Variants in XRCC1 observed in about 807,000 individuals in gnomAD.
The protein encoded by XRCC1 is DNA repair protein XRCC1.
XRCC1 carries 52 observed loss-of-function variants against 83.3 expected under a neutral mutation model. The observed-to-expected ratio is 0.62, with a 90% CI of 0.50 to 0.79. XRCC1 has a LOEUF of 0.79. XRCC1 is among the 30% of genes least tolerant of loss of function. The pLI, the probability that XRCC1 is intolerant of heterozygous loss-of-function variation, is 0.00. For missense variants in XRCC1, 793 were observed against 823.5 expected (o/e 0.96, Z 0.45); for synonymous variants, 281 against 312.6 (o/e 0.90, Z 1.07).
chr19:43,556,767 T>C (rs1177199091), intron 3 of XRCC1, among the ~76,000 whole-genome samples: 3 of 151,770 alleles, frequency 2.0e-5, no homozygotes, highest in Non-Finnish European at 4.4e-5. Context: ...ATCGCACCAT[T>C]GCACTTAAGC....
chr19:43,543,663 G>C lies in XRCC1; in HGVS notation c.1737C>G (p.Asp579Glu). 2 of 1,613,926 alleles carry C rather than the reference G, an allele frequency of 1.2e-6. No individual in the cohort carries two copies. Among genetic ancestry groups the C allele is most frequent in the Non-Finnish European group, 1.7e-6 (2 of 1,180,000 alleles). Residue 579 changes from aspartate to glutamate, a missense_variant, in exon 16 of 17, where the codon GAC (aspartate) becomes GAG (glutamate). Coordinates refer to ENST00000262887, the MANE Select transcript of XRCC1 (RefSeq NM_006297.3). The stretch of plus-strand genomic sequence containing the variant: ...GTGCTGTGATCACAAACTGAACCCG[G>C]TCACTCATATAGTCCTCGAGCTCCC... The part of the protein sequence containing the change: ...FNGELEDYMS[D>E]RVQFVITAQE...
chr19:43,546,867 G>T lies in XRCC1; in HGVS notation c.1293+17C>A. Reference sequence around the variant, plus strand: ...CCTCCCACTACACCCTCCCCCACTGGACAGGGGGCATCAGACCTTCTGAGG... The same window carrying T: ...CCTCCCACTACACCCTCCCCCACTGTACAGGGGGCATCAGACCTTCTGAGG... On this transcript the variant is annotated intron_variant, in intron 11 of 16. Coordinates refer to ENST00000262887, the MANE Select transcript of XRCC1 (RefSeq NM_006297.3). 1 of 1,613,398 alleles carries T rather than the reference G, an allele frequency of 6.2e-7. No homozygotes were observed.
At chr19:43,574,825 A>G in intron 2 of XRCC1, 85 bp downstream of exon 2, 1 of 1,113,398 alleles carries the variant, frequency 9.0e-7, no homozygotes, top group Non-Finnish European at 1.4e-6. Flanking sequence ...AAGTGACTAA[A>G]CCCACTGCCA....
At position 43,545,858 on chromosome 19, in the gene XRCC1, T is replaced by C; in HGVS notation, c.1581A>G (p.Glu527=). ...GSTDENTDSE[E]HQEPPDLPVP... Reference sequence around the variant, plus strand: ...CTGGCAGATCAGGAGGCTCCTGGTGTTCCTCACTGTCCGTGTTCTCATCCG... The same window carrying C: ...CTGGCAGATCAGGAGGCTCCTGGTGCTCCTCACTGTCCGTGTTCTCATCCG... Residue 527 remains glutamate, a synonymous_variant, in exon 14 of 17, where the codon GAA becomes GAG. Transcript: ENST00000262887. 6.2e-7 allele frequency: 1 copy of C among 1,613,894 alleles called. No homozygotes were observed. The highest frequency in any genetic ancestry group is 8.5e-7 in the Non-Finnish European group (1 of 1,179,862).
Position 43,553,023 on chromosome 19 carries a change from A to C in XRCC1, c.670T>G (p.Ser224Ala), listed in dbSNP as rs148663339. 8 of 1,601,612 alleles carry C rather than the reference A, an allele frequency of 5.0e-6. No homozygotes were observed. The highest frequency in any genetic ancestry group is 4.0e-5 in the African/African-American group (3 of 74,836). Residue 224 changes from serine (S) to alanine (A), a missense_variant, in exon 7 of 17, where the codon TCA (serine) becomes GCA (alanine). Coordinates refer to ENST00000262887, the MANE Select transcript of XRCC1 (RefSeq NM_006297.3). ...ATLQASSAAS[S>A]ASPVSRAIGS... is the part of the protein sequence containing the mutation. Reference sequence around the variant, plus strand: ...ATGGCCCTGGAGACTGGAGAGGCTGAGGAGGCAGCACTAGAAGCCTGGAGG... The same window carrying C: ...ATGGCCCTGGAGACTGGAGAGGCTGCGGAGGCAGCACTAGAAGCCTGGAGG...
At chr19:43,566,878 C>CAAAAAAAA (rs76309782) in intron 2 of XRCC1, among the ~76,000 whole-genome samples, 1 of 98,710 alleles carries the variant, frequency 1.0e-5, no homozygotes. Flanking sequence ...GACTCAATCT[C>CAAAAAAAA]AAAAAAAAAA....
chr19:43,553,471 C>G lies in XRCC1; in HGVS notation c.531G>C (p.Glu177Asp). Reference protein sequence around the residue: ...VTKLGQFRVKEEDESANSLRP... With the variant: ...VTKLGQFRVKDEDESANSLRP... ...TCAGAGAGTTGGCGCTCTCATCCTC[C>G]TCCTTCACACGGAACTGGCCAAGCT... is the stretch of plus-strand genomic sequence containing the variant. Residue 177 changes from glutamate (E) to aspartate (D), a missense_variant, in exon 6 of 17, where the codon GAG (glutamate) becomes GAC (aspartate). Transcript: ENST00000262887. The G allele has an allele frequency of 6.2e-7, 1 of 1,614,194 alleles. No individual in the cohort carries two copies. The highest frequency in any genetic ancestry group is 8.5e-7 in the Non-Finnish European group (1 of 1,180,046).
intron 10 of XRCC1, among the ~76,000 whole-genome samples, chr19:43,550,221 G>A (rs940990746): frequency 6.6e-6 from 1 of 152,076 alleles, no homozygotes; most frequent in African/African-American, 2.4e-5. Context: ...GGGCCTGGGG[G>A]AGCACCCCAT....
chr19:43,574,570 G>A, intron 2 of XRCC1: 1 of 231,734 alleles, frequency 4.3e-6, no homozygotes, highest in Admixed American at 4.8e-5. Flanking sequence ...TGGCTTAGAC[G>A]ACCTTCCTGG....
chr19:43,553,337 C>A (rs1189494839), intron 6 of XRCC1, 64 bp downstream of exon 6: 1 of 1,559,666 alleles, frequency 6.4e-7, no homozygotes, highest in African/African-American at 1.4e-5. Context: ...GCCCCCTCTA[C>A]CCTCAGACCC....
In XRCC1 at chr19:43,554,741, G is replaced by A. The variant is rs144559135; in HGVS notation, c.319C>T (p.Arg107Cys). 20 of 1,613,910 alleles carry A rather than the reference G, an allele frequency of 1.2e-5. No homozygotes were observed. Among genetic ancestry groups the A allele is most frequent in the South Asian group, 2.2e-5 (2 of 91,084 alleles). The change falls in exon 4 of 17, where the codon CGC becomes TGC. Residue 107 changes from arginine (R) to cysteine (C), a missense_variant. Arg to Cys is a radical substitution (Grantham distance 180). Transcript: ENST00000262887. ...SESRSGSNPN[R>C]VRMFGPDKLV... ...TTGTCAGGCCCAAACATGCGAACGC[G>A]GTTGGGGTTTGAGCCACTGCGGCTC...
chr19:43,551,734 G>T, intron 9 of XRCC1, 47 bp from the exon 10 acceptor site: 1 of 1,454,422 alleles, frequency 6.9e-7, no homozygotes, highest in Non-Finnish European at 9.7e-7. Context: ...TGATCTGAGG[G>T]GCAAAGGGGA....
chr19:43,569,475 C>CAAA (rs34545606), intron 2 of XRCC1, among the ~76,000 whole-genome samples: 76 of 129,766 alleles, frequency 5.9e-4, no homozygotes, highest in South Asian at 1.8e-3. Context: ...GACCCTGTCT[C>CAAA]AAAAAAAAAA....
intron 2 of XRCC1, among the ~76,000 whole-genome samples, chr19:43,561,886 T>C (rs1442684664): frequency 6.6e-6 from 1 of 152,014 alleles, no homozygotes; most frequent in Non-Finnish European, 1.5e-5. Context: ...CTGGGCCAGG[T>C]GCAGTGGCTC....
At position 43,546,582 on chromosome 19, in the gene XRCC1, C is replaced by T. The variant is rs748782793; in HGVS notation, c.1426+13G>A. Reference sequence around the variant, plus strand: ...GAGCCCAGGCCCCAGCCCCTCCTCCCTCAGAGTCTGACCTGACTGTACCCC... The same window carrying T: ...GAGCCCAGGCCCCAGCCCCTCCTCCTTCAGAGTCTGACCTGACTGTACCCC... On this transcript the variant is annotated intron_variant, in intron 12 of 16. Coordinates refer to ENST00000262887, the MANE Select transcript of XRCC1 (RefSeq NM_006297.3). 3.1e-6 allele frequency: 5 copies of T among 1,597,104 alleles called. No homozygotes were observed. Among genetic ancestry groups the T allele is most frequent in the South Asian group, 2.3e-5 (2 of 88,252 alleles).
In XRCC1 at chr19:43,552,863, C is replaced by T. The variant is rs1396631820; in HGVS notation, c.757G>A (p.Glu253Lys). Residue 253 changes from glutamate (E) to lysine (K), a missense_variant, in exon 8 of 17, where the codon GAA becomes AAA. Glu to Lys is a moderately conservative substitution (Grantham distance 56). Coordinates refer to ENST00000262887, the MANE Select transcript of XRCC1 (RefSeq NM_006297.3). ...GGTTTGCTGGGGGTCTTCTTTTCTTCTTGGTTCAAATCCAACTTCCTCTTC... is the reference window on the plus strand; with the variant it reads ...GGTTTGCTGGGGGTCTTCTTTTCTTTTTGGTTCAAATCCAACTTCCTCTTC... ...KGKRKLDLNQ[E>K]EKKTPSKPPA... is the part of the protein sequence containing the mutation. 6.2e-7 allele frequency: 1 copy of T among 1,613,716 alleles called. No individual in the cohort carries two copies. The highest frequency in any genetic ancestry group is 2.2e-5 in the East Asian group (1 of 44,866).
In XRCC1 at chr19:43,551,586, C is replaced by G; in HGVS notation, c.1184G>C (p.Arg395Pro). Residue 395 changes from arginine (R) to proline (P), a missense_variant, in exon 10 of 17, where the codon CGG (arginine) becomes CCG (proline). By Grantham distance (103) the Arg-to-Pro change is moderately radical (BLOSUM62 -2). Transcript: ENST00000262887. ...WVLDCHRMRR[R>P]LPSQRYLMAG... Reference sequence around the variant, plus strand: ...GAGGCCTTACCTCTGGGAGGGCAGCCGCCGACGCATGCGGTGACAGTCCAG... The same window carrying G: ...GAGGCCTTACCTCTGGGAGGGCAGCGGCCGACGCATGCGGTGACAGTCCAG... 1 of 1,614,090 alleles carries G rather than the reference C, an allele frequency of 6.2e-7. No individual in the cohort carries two copies. The highest frequency in any genetic ancestry group is 8.5e-7 in the Non-Finnish European group (1 of 1,179,964).
rs1372079741 is a variant in XRCC1, at chr19:43,575,478, C to T, written c.-20G>A. 1 of 1,611,670 alleles carries T rather than the reference C, an allele frequency of 6.2e-7. No homozygotes were observed. The highest frequency in any genetic ancestry group is 1.7e-5 in the Admixed American group (1 of 59,852). On this transcript the variant is annotated 5_prime_UTR_variant, in exon 1 of 17. Transcript: ENST00000262887. The stretch of plus-strand genomic sequence containing the variant: ...CGGCATGTCAACGTCGTGGGCTTCG[C>T]CTGGCCAGAAGGATGAGGTAGAGTA...
At chr19:43,560,478 G>A (rs564850574) in intron 3 of XRCC1, among the ~76,000 whole-genome samples, 6 of 152,234 alleles carry the variant, frequency 3.9e-5, no homozygotes, top group Admixed American at 3.3e-4. Context: ...GGAAGCAGGC[G>A]TTAGAGTGAC....
Sources: allele counts gnomAD v4.1 joint callset (sites outside exome capture counted in the v4.1 genomes callset), GRCh38; gene constraint gnomAD v4.1.1; transcripts MANE v1.5; gene names NCBI Gene and HGNC (gene_info 2026-07-23, HGNC 2026-07-21).